The following RAPGEF2 variants were observed in gnomAD, a reference collection of about 807,000 sequenced individuals.
RAPGEF2 encodes the protein Rap guanine nucleotide exchange factor 2.
Under a neutral mutation model 186.7 loss-of-function variants are expected in RAPGEF2, and 54 were observed. That is an observed-to-expected ratio of 0.29 (90% CI 0.23 to 0.36). The LOEUF is 0.36. RAPGEF2 is among the 10% of genes least tolerant of loss of function. The pLI is 1.00. For synonymous variants in RAPGEF2, 712 were observed against 705.9 expected (o/e 1.01, Z -0.14); for missense variants, 1,532 against 2,045.0 (o/e 0.75, Z 4.84).
rs191262026 is a variant in RAPGEF2, at chr4:159,284,548, A to T, written c.544-19794A>T. ...CACACACACACACGAATTGTAAATG[A>T]AACAGTGCCCTGGTGGGGGATACGC... On this transcript the variant is annotated intron_variant, in intron 7 of 29. Transcript: ENST00000691494. Among the ~76,000 whole-genome samples the T allele has an allele frequency of 3.1e-4, 46 of 150,728 alleles. No individual in the cohort carries two copies. In the East Asian group the frequency reaches 8.6e-3, roughly 28 times the overall value.
At chr4:159,143,217 G>A (rs1025970096) in intron 1 of RAPGEF2, among the ~76,000 whole-genome samples, 4 of 151,620 alleles carry the variant, frequency 2.6e-5, no homozygotes, top group African/African-American at 7.3e-5. Context: ...CTCCAGACTG[G>A]GCAATACAGT....
intron 8 of RAPGEF2, among the ~76,000 whole-genome samples, chr4:159,306,162 G>C (rs1763273117): frequency 6.6e-6 from 1 of 150,906 alleles, no homozygotes; most frequent in African/African-American, 2.4e-5. Context: ...CTAATTCTGT[G>C]AAAAATGATG....
intron 7 of RAPGEF2, among the ~76,000 whole-genome samples, chr4:159,256,702 CA>C (rs1756208379): frequency 1.3e-5 from 2 of 152,176 alleles, no homozygotes; most frequent in Non-Finnish European, 2.9e-5. Context: ...ACCTCACAGG[CA>C]TCTGTTGTTA....
intron 23 of RAPGEF2, 37 bp downstream of exon 23, chr4:159,344,096 C>T: frequency 6.6e-7 from 1 of 1,520,836 alleles, no homozygotes. Context: ...ACACACAGTT[C>T]TTATTCTGCT....
At position 159,197,115 on chromosome 4, in the gene RAPGEF2, T is replaced by A. The variant is rs185604820; in HGVS notation, c.197+3859T>A. On this transcript the variant is annotated intron_variant, in intron 3 of 29. Coordinates refer to ENST00000691494, the MANE Select transcript of RAPGEF2 (RefSeq NM_001394067.2). Reference sequence around the variant, plus strand: ...AATTCCTCACCAGAGGGACCTTAACTTATATTTGTTTTTATTTAACAATTT... The same window carrying A: ...AATTCCTCACCAGAGGGACCTTAACATATATTTGTTTTTATTTAACAATTT... Among the ~76,000 whole-genome samples the A allele has an allele frequency of 7.2e-4, 110 of 152,352 alleles. 3 individuals carry two copies. Among genetic ancestry groups the A allele is most frequent in the Non-Finnish European group, 1.9e-4 (13 of 68,036 alleles).
Position 159,339,239 on chromosome 4 carries a change from A to G in RAPGEF2, c.2419A>G (p.Thr807Ala), listed in dbSNP as rs770658238. The G allele has an allele frequency of 1.2e-6, 2 of 1,613,940 alleles. No homozygotes were observed. The highest frequency in any genetic ancestry group is 2.7e-5 in the African/African-American group (2 of 74,890). ...TATCAGGGAGTTTGCTGTTACTGCC[A>G]CCCCGGATCAATATTCACTATGTGA... Reference protein sequence around the residue: ...QAIREFAVTATPDQYSLCEVS... With the variant: ...QAIREFAVTAAPDQYSLCEVS... Residue 807 changes from threonine to alanine, a missense_variant, in exon 19 of 30, where the codon ACC (threonine) becomes GCC (alanine). Transcript: ENST00000691494.
chr4:159,197,585 A>G (rs1415872038), intron 3 of RAPGEF2, among the ~76,000 whole-genome samples: 4 of 152,208 alleles, frequency 2.6e-5, no homozygotes, highest in African/African-American at 7.2e-5. Context: ...ATTGTTCTCC[A>G]TAAAAGAGCT....
rs1489315331 is a variant in RAPGEF2, at chr4:159,294,163, C to G, written c.544-10179C>G. 3.3e-5 allele frequency among the ~76,000 whole-genome samples: 5 copies of G among 152,172 alleles called. No individual in the cohort carries two copies. The East Asian group carries it at 9.6e-4, about 29-fold the overall frequency. ...TAATTATGGGTTAATGTTTTTAATT[C>G]TGTGTAAGGCCTCCTTCCCAAACCC... On this transcript the variant is annotated intron_variant, in intron 7 of 29. Coordinates refer to ENST00000691494, the MANE Select transcript of RAPGEF2 (RefSeq NM_001394067.2).
chr4:159,320,686 A>T lies in RAPGEF2; in HGVS notation c.854-1661A>T, dbSNP rs149595410. ...TTGCCCAACTGGGCCAGAGAAAACC[A>T]CTCCGTCTGTCCTTCCAGAAATGTT... On this transcript the variant is annotated intron_variant, in intron 9 of 29. Coordinates refer to ENST00000691494, the MANE Select transcript of RAPGEF2 (RefSeq NM_001394067.2). 7.9e-5 allele frequency among the ~76,000 whole-genome samples: 12 copies of T among 151,706 alleles called. No homozygotes were observed. In the East Asian group the frequency reaches 2.1e-3, roughly 27 times the overall value.
rs553251268 is a variant in RAPGEF2, at chr4:159,104,489, C to CGAGAGAGAGAGAGAGAGAGAGAGA, written c.69+272_69+295dup. 2.4e-4 allele frequency among the ~76,000 whole-genome samples: 21 copies of CGAGAGAGAGAGAGAGAGAGAGAGA among 88,800 alleles called. 1 individual carries two copies. In the South Asian group the frequency reaches 5.5e-3, roughly 23 times the overall value. The allele number at this position is 88,800 out of a possible 152,430, so 58.3% of individuals were successfully genotyped here. ...GACCTTTCCCACTATGTTGCCCAGC[C>CGAGAGAGAGAGAGAGAGAGAGAGA]GAGAGAGAGAGAGAGAGAGAGAGAG... On this transcript the variant is annotated intron_variant, in intron 1 of 29. Transcript: ENST00000691494.
At chr4:159,144,441 G>A (rs1198633297) in intron 1 of RAPGEF2, among the ~76,000 whole-genome samples, 1 of 152,128 alleles carries the variant, frequency 6.6e-6, no homozygotes, top group Non-Finnish European at 1.5e-5. Context: ...GTGGTATTGC[G>A]TGTAGGAACT....
At chr4:159,204,256 CAG>C (rs1180115552) in intron 3 of RAPGEF2, among the ~76,000 whole-genome samples, 1 of 152,146 alleles carries the variant, frequency 6.6e-6, no homozygotes, top group Non-Finnish European at 1.5e-5. Context: ...GTTTGGAAAA[CAG>C]TGAGTGAGAA....
At chr4:159,126,776 G>C (rs1403030964) in intron 1 of RAPGEF2, among the ~76,000 whole-genome samples, 3 of 152,058 alleles carry the variant, frequency 2.0e-5, no homozygotes, top group Non-Finnish European at 4.4e-5. Flanking sequence ...AGCTACAAGA[G>C]GAAAAATGCT....
intron 9 of RAPGEF2, among the ~76,000 whole-genome samples, chr4:159,321,247 C>T (rs907300831): frequency 5.9e-5 from 9 of 151,524 alleles, no homozygotes; most frequent in Non-Finnish European, 1.0e-4. Context: ...CACTCTTTCA[C>T]CCATTATGGA....
At chr4:159,318,848 A>G (rs970974883) in intron 9 of RAPGEF2, among the ~76,000 whole-genome samples, 1 of 152,176 alleles carries the variant, frequency 6.6e-6, no homozygotes, top group African/African-American at 2.4e-5. Flanking sequence ...TCTGGTATCT[A>G]TAAGTTAATT....
At chr4:159,216,685 G>A (rs1751022603) in intron 4 of RAPGEF2, among the ~76,000 whole-genome samples, 1 of 152,128 alleles carries the variant, frequency 6.6e-6, no homozygotes, top group Non-Finnish European at 1.5e-5. Context: ...GGAAAGCTGG[G>A]ACTGTTGGTA....
intron 2 of RAPGEF2, among the ~76,000 whole-genome samples, chr4:159,188,879 C>T (rs1418836902): frequency 6.6e-6 from 1 of 152,152 alleles, no homozygotes; most frequent in Non-Finnish European, 1.5e-5. Context: ...CATGAACCTA[C>T]AGGGCGGAGC....
intron 1 of RAPGEF2, among the ~76,000 whole-genome samples, chr4:159,149,750 G>A (rs967614942): frequency 6.6e-6 from 1 of 152,164 alleles, no homozygotes; most frequent in Non-Finnish European, 1.5e-5. Flanking sequence ...TTAAGTAATT[G>A]AGACTGTCCA....
intron 4 of RAPGEF2, among the ~76,000 whole-genome samples, chr4:159,217,301 C>T (rs934219427): frequency 1.3e-5 from 2 of 152,262 alleles, no homozygotes; most frequent in East Asian, 3.9e-4. Context: ...CAATAGGTAG[C>T]TTTTCAATTC....
Sources: allele counts gnomAD v4.1 joint callset (sites outside exome capture counted in the v4.1 genomes callset), GRCh38; gene constraint gnomAD v4.1.1; transcripts MANE v1.5; gene names NCBI Gene and HGNC (gene_info 2026-07-23, HGNC 2026-07-21).